The following C3orf49 variants were observed in gnomAD, a reference collection of about 807,000 sequenced individuals.
The protein encoded by C3orf49 is chromosome 3 open reading frame 49, also known as putative uncharacterized protein C3orf49.
A neutral mutation model predicts 13.3 loss-of-function variants in C3orf49; 27 were observed. The observed-to-expected ratio is 2.02, with a 90% CI of 1.49 to 2.79. The LOEUF (loss-of-function observed/expected upper bound fraction) is 2.79. Ranked by LOEUF, C3orf49 falls within the 30% of genes most tolerant of loss-of-function variation. The pLI, the probability that C3orf49 is intolerant of heterozygous loss-of-function variation, is 0.00. For missense variants in C3orf49, 242 were observed against 134.2 expected (o/e 1.80, Z -3.97); for synonymous variants, 87 against 47.6 (o/e 1.83, Z -3.40).
the C3orf49 span, among the ~76,000 whole-genome samples, chr3:63,801,031 C>T: frequency 6.6e-6 from 1 of 152,114 alleles, no homozygotes; most frequent in Admixed American, 6.6e-5. Context: ...TTTTAGAAGT[C>T]AGAAGAGCAT....
upstream of C3orf49, among the ~76,000 whole-genome samples, chr3:63,818,351 A>C (rs1210034621): frequency 1.3e-5 from 2 of 152,194 alleles, no homozygotes; most frequent in Admixed American, 6.5e-5. Context: ...TAGCCCCTTA[A>C]CATTATACAC....
intron 2 of C3orf49, among the ~76,000 whole-genome samples, chr3:63,825,433 T>C (rs1373455866): frequency 6.6e-6 from 1 of 152,202 alleles, no homozygotes; most frequent in Non-Finnish European, 1.5e-5. Flanking sequence ...CTGGTATGGA[T>C]TGAGCTGTAT....
intron 6 of C3orf49, among the ~76,000 whole-genome samples, chr3:63,845,723 G>A (rs932462996): frequency 1.3e-5 from 2 of 152,114 alleles, no homozygotes; most frequent in African/African-American, 4.8e-5. Context: ...CAAAGCCAAA[G>A]CCATTTTGGC....
intron 1 of C3orf49, among the ~76,000 whole-genome samples, chr3:63,822,069 G>A (rs545982592): frequency 4.0e-5 from 6 of 150,984 alleles, no homozygotes; most frequent in South Asian, 2.1e-4. Flanking sequence ...TCTGCCTCCC[G>A]GGTTCACAAC....
upstream of C3orf49, among the ~76,000 whole-genome samples, chr3:63,815,771 CTTTTTTT>C (rs1227837780): frequency 7.3e-6 from 1 of 136,576 alleles, no homozygotes; most frequent in Non-Finnish European, 1.6e-5. Flanking sequence ...TCTTTTCTTT[CTTTTTTT>C]TTTTTTTTTG....
chr3:63,805,789 A>C, the C3orf49 span, among the ~76,000 whole-genome samples: 1 of 152,190 alleles, frequency 6.6e-6, no homozygotes, highest in Non-Finnish European at 1.5e-5. Context: ...TCTGCTTCAG[A>C]GGGAAATAGT....
At position 63,845,023 on chromosome 3, in the gene C3orf49, A is replaced by G; in HGVS notation, c.850A>G (p.Met284Val). The G allele has an allele frequency of 1.4e-6, 1 of 699,084 alleles. No individual in the cohort carries two copies. The allele number at this position is 699,084 out of a possible 1,614,324, so 43.3% of individuals were successfully genotyped here. ...TTGTTGTAATTTTGTCTCTTGACAGATGACCACAAAAGGACCTGGAGACAG... is the reference window on the plus strand; with the variant it reads ...TTGTTGTAATTTTGTCTCTTGACAGGTGACCACAAAAGGACCTGGAGACAG... ...RTMRKYKLKNMTTKGPGDS is the reference protein window; with the variant it reads ...RTMRKYKLKNVTTKGPGDS Residue 284 changes from methionine (M) to valine (V), a missense_variant and splice_region_variant, in exon 6 of 7, where the codon ATG becomes GTG. By Grantham distance (21) the Met-to-Val change is conservative. Coordinates refer to ENST00000295896, the MANE Select transcript of C3orf49 (RefSeq NM_001355236.2).
chr3:63,828,025 T>C lies in C3orf49; in HGVS notation c.570+300T>C, dbSNP rs17069439. On this transcript the variant is annotated intron_variant, in intron 3 of 6. Transcript: ENST00000295896. ...AGCATTCTGGCCTATCTGTGCATAC[T>C]ATGTGGAGTGGAACTCATTAGACCA... Among the ~76,000 whole-genome samples the C allele has an allele frequency of 5.6e-3, 846 of 152,328 alleles. 34 individuals carry two copies. Among genetic ancestry groups the C allele is most frequent in the Admixed American group, 0.047 (719 of 15,292 alleles).
At chr3:63,805,455 A>G in the C3orf49 span, among the ~76,000 whole-genome samples, 1 of 152,226 alleles carries the variant, frequency 6.6e-6, no homozygotes, top group African/African-American at 2.4e-5. Flanking sequence ...AACTTACCCT[A>G]CAAGTTACCA....
At chr3:63,816,769 C>CTTTTT (rs543894356), upstream of C3orf49, among the ~76,000 whole-genome samples, 207 of 97,174 alleles carry the variant, frequency 2.1e-3, 1 homozygote, top group Middle Eastern at 0.012. Context: ...CTTTTCTTTT[C>CTTTTT]TTTTTTTTTT....
the C3orf49 span, among the ~76,000 whole-genome samples, chr3:63,803,898 A>G: frequency 6.6e-6 from 1 of 151,972 alleles, no homozygotes; most frequent in African/African-American, 2.4e-5. Flanking sequence ...CATAATGTAG[A>G]ATCAGCGGGA....
intron 5 of C3orf49, chr3:63,834,074 C>T: frequency 6.4e-7 from 1 of 1,553,272 alleles, no homozygotes; most frequent in Non-Finnish European, 8.8e-7. Context: ...ACATTTTAAA[C>T]ACATTATGGT....
chr3:63,825,719 AT>A (rs1321476795), intron 2 of C3orf49, among the ~76,000 whole-genome samples: 1 of 152,230 alleles, frequency 6.6e-6, no homozygotes, highest in Non-Finnish European at 1.5e-5. Flanking sequence ...TTTAACAAAT[AT>A]CTGCTAAGTA....
At chr3:63,830,320 C>A (rs1478230228) in intron 3 of C3orf49, among the ~76,000 whole-genome samples, 1 of 152,148 alleles carries the variant, frequency 6.6e-6, no homozygotes, top group African/African-American at 2.4e-5. Context: ...AGGGGTCTTA[C>A]TTTAGATAGA....
the C3orf49 span, among the ~76,000 whole-genome samples, chr3:63,808,900 A>G: frequency 6.6e-6 from 1 of 152,156 alleles, no homozygotes; most frequent in Non-Finnish European, 1.5e-5. Context: ...TTCAGTGCAC[A>G]CAATCCCAAT....
chr3:63,780,760 T>C, the C3orf49 span, among the ~76,000 whole-genome samples: 1 of 152,366 alleles, frequency 6.6e-6, no homozygotes. Flanking sequence ...CATTTTTTCA[T>C]GTGTCTTTTG....
At chr3:63,790,327 C>T in the C3orf49 span, among the ~76,000 whole-genome samples, 1 of 152,148 alleles carries the variant, frequency 6.6e-6, no homozygotes, top group African/African-American at 2.4e-5. Flanking sequence ...AATCCTAATA[C>T]CTGGTGTAGG....
the C3orf49 span, among the ~76,000 whole-genome samples, chr3:63,808,623 C>T: frequency 6.6e-6 from 1 of 152,140 alleles, no homozygotes; most frequent in African/African-American, 2.4e-5. Context: ...TTTTAAAGTG[C>T]CCTGAATTCA....
chr3:63,831,921 G>A (rs146518876), intron 5 of C3orf49, 77 bp downstream of exon 5: 20 of 638,884 alleles, frequency 3.1e-5, no homozygotes, highest in Middle Eastern at 2.7e-4. Flanking sequence ...TAGGCTGGCC[G>A]TGGTGGCTCA....
Sources: allele counts gnomAD v4.1 joint callset (sites outside exome capture counted in the v4.1 genomes callset), GRCh38; gene constraint gnomAD v4.1.1; transcripts MANE v1.5; gene names NCBI Gene and HGNC (gene_info 2026-07-23, HGNC 2026-07-21).